MAPT: variants seen among roughly 807,000 people sequenced by gnomAD.
MAPT encodes the protein microtubule associated protein tau.
Under a neutral mutation model 67.9 loss-of-function variants are expected in MAPT, and 34 were observed. That is an observed-to-expected ratio of 0.50 (90% CI 0.38 to 0.67). The LOEUF is 0.67. MAPT is among the 30% of genes least tolerant of loss of function. MAPT has a pLI of 0.00. For synonymous variants in MAPT, 456 were observed against 464.5 expected (o/e 0.98, Z 0.23); for missense variants, 881 against 1,115.2 (o/e 0.79, Z 2.99).
chr17:45,938,477 T>A (rs2144840366), intron 1 of MAPT, among the ~76,000 whole-genome samples: 1 of 152,352 alleles, frequency 6.6e-6, no homozygotes, highest in Middle Eastern at 3.4e-3. Flanking sequence ...ACTCTGATAA[T>A]CTGGGATGAT....
At chr17:46,013,629 G>A (rs763564311) in intron 10 of MAPT, among the ~76,000 whole-genome samples, 15 of 152,176 alleles carry the variant, frequency 9.9e-5, no homozygotes, top group Admixed American at 6.5e-5. Context: ...TGGTTCTCAC[G>A]TCCGAGCTGC....
In MAPT at chr17:46,027,287, G is replaced by GTGA. The variant is rs1439304978; in HGVS notation, c.*3118_*3120dup. On this transcript the variant is annotated 3_prime_UTR_variant, in exon 13 of 13. Coordinates refer to ENST00000262410, the MANE Select transcript of MAPT (RefSeq NM_001377265.1). ...GGCCAGCCTAAGATCATGGTTTAGG[G>GTGA]TGATCAGTGCTGGCAGATAAATTGA... 6.5e-6 allele frequency: 1 copy of GTGA among 152,766 alleles called. No homozygotes were observed. Among genetic ancestry groups the GTGA allele is most frequent in the Admixed American group, 6.5e-5 (1 of 15,286 alleles). The allele number at this position is 152,766 out of a possible 1,614,324, so 9.5% of individuals were successfully genotyped here. A position where few individuals can be genotyped will look rare whatever the true frequency, so the allele number is the denominator to read the frequency against.
intron 12 of MAPT, among the ~76,000 whole-genome samples, chr17:46,023,544 AAAC>A (rs1234773211): frequency 6.6e-6 from 1 of 152,202 alleles, no homozygotes; most frequent in Non-Finnish European, 1.5e-5. Flanking sequence ...AAGACAATAA[AAAC>A]AACAGCTCCT....
intron 1 of MAPT, chr17:45,898,636 C>T (rs1434676304): frequency 6.6e-6 from 1 of 152,206 alleles, no homozygotes; most frequent in Non-Finnish European, 1.5e-5. Flanking sequence ...GCTATATGTA[C>T]GAACACGTGT....
chr17:45,955,725 C>T (rs886518827), intron 1 of MAPT, among the ~76,000 whole-genome samples: 5 of 136,608 alleles, frequency 3.7e-5, no homozygotes, highest in African/African-American at 7.5e-5. Flanking sequence ...ACAAACACTC[C>T]TTCCTTTTTT....
chr17:45,967,030 G>T (rs748018325), intron 2 of MAPT, among the ~76,000 whole-genome samples: 41 of 152,176 alleles, frequency 2.7e-4, no homozygotes, highest in Non-Finnish European at 4.6e-4. Flanking sequence ...CTTGGCAGAA[G>T]GTGTCACTTT....
chr17:45,939,631 C>A (rs549511948), intron 1 of MAPT, among the ~76,000 whole-genome samples: 2 of 152,124 alleles, frequency 1.3e-5, no homozygotes, highest in African/African-American at 4.8e-5. Context: ...TGGGCTTTTA[C>A]GAGGAGGTTT....
intron 12 of MAPT, among the ~76,000 whole-genome samples, chr17:46,021,383 A>G (rs1423892125): frequency 3.3e-5 from 5 of 152,098 alleles, no homozygotes; most frequent in Admixed American, 6.6e-5. Flanking sequence ...GCTGTTTCTA[A>G]CCCCAGGCCT....
At chr17:45,927,445 A>G (rs1597985047) in intron 1 of MAPT, among the ~76,000 whole-genome samples, 1 of 152,090 alleles carries the variant, frequency 6.6e-6, no homozygotes, top group Non-Finnish European at 1.5e-5. Context: ...ATTCACGGCC[A>G]AAGTCCACCC....
chr17:45,918,019 C>G lies in MAPT; in HGVS notation c.-18+23333C>G, dbSNP rs146873720. ...AAACTCCTGACCTCAGGTGATCCAC[C>G]CGCCTCAGCCTCCCAAAGTGCTGGG... On this transcript the variant is annotated intron_variant, in intron 1 of 12. Transcript: ENST00000262410. 5.4e-3 allele frequency among the ~76,000 whole-genome samples: 819 copies of G among 152,298 alleles called. 11 individuals are homozygous for G. The highest frequency in any genetic ancestry group is 0.016 in the Admixed American group (251 of 15,304).
At chr17:45,961,655 TAAAGAG>T (rs2070422788) in intron 1 of MAPT, among the ~76,000 whole-genome samples, 1 of 152,164 alleles carries the variant, frequency 6.6e-6, no homozygotes, top group Non-Finnish European at 1.5e-5. Flanking sequence ...CCCTCACCGT[TAAAGAG>T]AAAGAGCAAA....
chr17:45,913,877 C>T (rs1231284822), intron 1 of MAPT, among the ~76,000 whole-genome samples: 1 of 147,686 alleles, frequency 6.8e-6, no homozygotes, highest in Non-Finnish European at 1.5e-5. Flanking sequence ...CTCTCTGACA[C>T]CTGGAGAGAC....
chr17:45,927,961 C>T (rs893589278), intron 1 of MAPT, among the ~76,000 whole-genome samples: 5 of 141,978 alleles, frequency 3.5e-5, no homozygotes, highest in African/African-American at 1.3e-4. Context: ...GATGGCGCCA[C>T]TGCACTCCAG....
At chr17:46,006,642 T>C (rs12946693) in intron 9 of MAPT, among the ~76,000 whole-genome samples, 77,782 of 150,132 alleles carry the variant, frequency 0.52, 19,876 homozygotes, top group Middle Eastern at 0.56. Context: ...TAGCTGGGCA[T>C]GGTGGCTCAC....
Position 45,996,637 on chromosome 17 carries a change from C to G in MAPT, c.1971C>G (p.Asn657Lys). 6.2e-7 allele frequency: 1 copy of G among 1,613,922 alleles called. No individual in the cohort carries two copies. Among genetic ancestry groups the G allele is most frequent in the Non-Finnish European group, 8.5e-7 (1 of 1,179,950 alleles). Residue 657 changes from asparagine (N) to lysine (K), a missense_variant, in exon 9 of 13, where the codon AAC (asparagine) becomes AAG (lysine). Around this residue, in one of 6 missense-constraint regions of MAPT, gnomAD observed 45 missense variants for 43.2 expected, o/e 1.04. Transcript: ENST00000262410. The surrounding 1 kb of genome is among the most constrained non-coding windows in gnomAD (Gnocchi z 4.5). The stretch of plus-strand genomic sequence containing the variant: ...AGTCCAAGATCGGCTCCACTGAGAA[C>G]CTGAAGCACCAGCCGGGAGGCGGGA... ...NVKSKIGSTE[N>K]LKHQPGGGKV... is the part of the protein sequence containing the mutation.
intron 1 of MAPT, among the ~76,000 whole-genome samples, chr17:45,933,778 G>A (rs1056352257): frequency 2.0e-5 from 3 of 151,964 alleles, no homozygotes; most frequent in African/African-American, 7.3e-5. Flanking sequence ...TTCCCAGACA[G>A]GAAGAAGCTG....
intron 12 of MAPT, among the ~76,000 whole-genome samples, chr17:46,022,200 C>CA (rs1444023215): frequency 1.3e-5 from 2 of 151,986 alleles, no homozygotes; most frequent in African/African-American, 4.8e-5. Context: ...ACAAAAAATA[C>CA]AAAAATTAGC....
At position 46,018,637 on chromosome 17, in the gene MAPT, A is replaced by C. The variant is rs1049477751; in HGVS notation, c.2193A>C (p.Val731=). ...TTCTAGGAGGTGGCCAGGTGGAAGTAAAATCTGAGAAGCTTGACTTCAAGG... is the reference window on the plus strand; with the variant it reads ...TTCTAGGAGGTGGCCAGGTGGAAGTCAAATCTGAGAAGCTTGACTTCAAGG... ...HHKPGGGQVE[V]KSEKLDFKDR... Residue 731 remains valine, a synonymous_variant, in exon 12 of 13, where the codon GTA becomes GTC. Coordinates refer to ENST00000262410, the MANE Select transcript of MAPT (RefSeq NM_001377265.1). 1.2e-6 allele frequency: 2 copies of C among 1,613,850 alleles called. No individual in the cohort carries two copies. Among genetic ancestry groups the C allele is most frequent in the Non-Finnish European group, 1.7e-6 (2 of 1,179,780 alleles).
chr17:45,948,321 C>T (rs910356748), intron 1 of MAPT, among the ~76,000 whole-genome samples: 1 of 152,006 alleles, frequency 6.6e-6, no homozygotes, highest in African/African-American at 2.4e-5. Context: ...GGCTCTTTTC[C>T]TTTAGTTGCA....
Sources: gnomAD v4.1 joint callset for allele counts (sites outside exome capture counted in the v4.1 genomes callset) on GRCh38, gnomAD v4.1.1 for gene constraint, gnomAD v4.1.1 regional missense constraint, Gnocchi (gnomAD v3.1) non-coding constraint, MANE v1.5 for transcripts, NCBI Gene and HGNC (gene_info 2026-07-23, HGNC 2026-07-21) for gene names.